The following RPS6KA2 variants were observed in gnomAD, a reference collection of about 807,000 sequenced individuals.
The protein encoded by RPS6KA2 is ribosomal protein S6 kinase A2.
In RPS6KA2, 42 loss-of-function variants were observed where a neutral mutation model predicts 91.8. The ratio of observed to expected loss-of-function variants is 0.46; its 90% CI spans 0.36 to 0.59. The LOEUF is 0.59. Ranked by LOEUF, RPS6KA2 falls within the 20% of genes least tolerant of loss-of-function variation. RPS6KA2 has a pLI of 0.00. For missense variants in RPS6KA2, 798 were observed against 978.5 expected, an observed-to-expected ratio of 0.82 and a Z score of 2.46; for synonymous variants, 414 against 393.6, an observed-to-expected ratio of 1.05 and a Z score of -0.61.
intron 19 of RPS6KA2, among the ~76,000 whole-genome samples, chr6:166,416,631 C>T (rs59181983): frequency 0.1 from 15,086 of 150,812 alleles, 2,524 homozygotes; most frequent in African/African-American, 0.35. Context: ...CCACCATCAG[C>T]TCCATCCCTG....
intron 2 of RPS6KA2, among the ~76,000 whole-genome samples, chr6:166,837,671 G>A (rs997661955): frequency 6.6e-6 from 1 of 152,150 alleles, no homozygotes; most frequent in Non-Finnish European, 1.5e-5. Flanking sequence ...TGTGGGGGTG[G>A]CTGTGTCTTC....
chr6:166,736,887 G>A (rs1790684998), intron 2 of RPS6KA2, among the ~76,000 whole-genome samples: 1 of 151,598 alleles, frequency 6.6e-6, no homozygotes, highest in African/African-American at 2.4e-5. Context: ...TGCCAGTCAT[G>A]ATGGCAAGAG....
intron 2 of RPS6KA2, among the ~76,000 whole-genome samples, chr6:166,703,556 C>T (rs539285514): frequency 1.3e-5 from 2 of 152,304 alleles, no homozygotes; most frequent in South Asian, 4.1e-4. Flanking sequence ...GTGTTACATC[C>T]AAGAGGCTGA....
At chr6:166,416,110 C>A (rs575369773) in intron 19 of RPS6KA2, among the ~76,000 whole-genome samples, 55 of 150,088 alleles carry the variant, frequency 3.7e-4, no homozygotes, top group African/African-American at 1.1e-3. Flanking sequence ...CCACCATCCA[C>A]CCTCACCATC....
chr6:166,748,315 C>T (rs930776334), intron 2 of RPS6KA2, among the ~76,000 whole-genome samples: 1 of 152,096 alleles, frequency 6.6e-6, no homozygotes, highest in Non-Finnish European at 1.5e-5. Flanking sequence ...CCTCCCCAGG[C>T]AGGAGAAACA....
intron 1 of RPS6KA2, among the ~76,000 whole-genome samples, chr6:166,580,599 C>A (rs1784974164): frequency 6.6e-6 from 1 of 152,220 alleles, no homozygotes; most frequent in Admixed American, 6.5e-5. Flanking sequence ...GGATTGTACC[C>A]AGTCCATGCC....
At chr6:166,687,435 G>A (rs1305935983) in intron 2 of RPS6KA2, among the ~76,000 whole-genome samples, 7 of 152,206 alleles carry the variant, frequency 4.6e-5, no homozygotes, top group Non-Finnish European at 8.8e-5. Context: ...CCCTGCCTGT[G>A]AGCGTGGCCT....
intron 8 of RPS6KA2, among the ~76,000 whole-genome samples, chr6:166,492,705 ATTTCTT>A (rs1781635678): frequency 7.1e-6 from 1 of 141,160 alleles, no homozygotes; most frequent in South Asian, 2.4e-4. Flanking sequence ...TTGTTTGGTG[ATTTCTT>A]TTTCTTTTCT....
At chr6:166,754,890 C>A (rs57128297) in intron 2 of RPS6KA2, among the ~76,000 whole-genome samples, 6,312 of 152,224 alleles carry the variant, frequency 0.041, 362 homozygotes, top group East Asian at 0.23. Flanking sequence ...TCAGGCCCTG[C>A]CCTGTCGCTC....
At chr6:166,548,818 G>GA (rs1562572170) in intron 1 of RPS6KA2, among the ~76,000 whole-genome samples, 1 of 152,094 alleles carries the variant, frequency 6.6e-6, no homozygotes, top group Non-Finnish European at 1.5e-5. Flanking sequence ...ATTCATCAAA[G>GA]AAAAAAGTGA....
rs775766598 is a variant in RPS6KA2, at chr6:166,757,854, G to A, written c.123+100346C>T. 131 of 291,788 alleles carry A rather than the reference G, an allele frequency of 4.5e-4. 1 individual carries two copies. The highest frequency in any genetic ancestry group is 5.9e-4 in the Non-Finnish European group (87 of 147,772). 18.1% of individuals were successfully genotyped at this position (291,788 alleles called of 1,614,324 possible). ...TTTGCAAACTCAGAAGCAAAGGAGAGAAGCTGAGAAAACCTCAGCCCCGAG... is the reference window on the plus strand; with the variant it reads ...TTTGCAAACTCAGAAGCAAAGGAGAAAAGCTGAGAAAACCTCAGCCCCGAG... On this transcript the variant is annotated intron_variant, in intron 2 of 21. Transcript: ENST00000503859.
At chr6:166,454,422 T>C (rs1780022881) in intron 12 of RPS6KA2, among the ~76,000 whole-genome samples, 2 of 152,018 alleles carry the variant, frequency 1.3e-5, no homozygotes, top group Non-Finnish European at 2.9e-5. Flanking sequence ...CGCTTGAACC[T>C]GGGAGGTGGA....
intron 2 of RPS6KA2, among the ~76,000 whole-genome samples, chr6:166,654,623 A>G (rs773380284): frequency 6.6e-6 from 1 of 152,248 alleles, no homozygotes; most frequent in Non-Finnish European, 1.5e-5. Flanking sequence ...TCGAATCTCA[A>G]CAGTATTCTT....
chr6:166,660,364 G>GTGCA (rs903577103), intron 2 of RPS6KA2, among the ~76,000 whole-genome samples: 5 of 150,114 alleles, frequency 3.3e-5, no homozygotes, highest in Non-Finnish European at 4.5e-5. Context: ...GCGTGCGTGT[G>GTGCA]TGCATGTGTG....
rs553907551 is a variant in RPS6KA2, at chr6:166,626,898, C to T, written c.99+23G>A. ...GCCCGCTCAGTGCCCGGCACCTGCG[C>T]GCCCCGAGGGCGGCCGCATTACCTC... is the stretch of plus-strand genomic sequence containing the variant. On this transcript the variant is annotated intron_variant, in intron 1 of 20. Transcript: ENST00000265678. This position sits in a 1 kb window ranked among gnomAD's most constrained non-coding sequence, Gnocchi z 4.1. The T allele has an allele frequency of 1.4e-6, 2 of 1,471,256 alleles. No individual in the cohort carries two copies. The highest frequency in any genetic ancestry group is 2.8e-5 in the East Asian group (1 of 35,358). The allele number at this position is 1,471,256 out of a possible 1,614,324, so 91.1% of individuals were successfully genotyped here.
chr6:166,676,767 C>T (rs551949499), intron 2 of RPS6KA2, among the ~76,000 whole-genome samples: 6 of 152,384 alleles, frequency 3.9e-5, no homozygotes, highest in East Asian at 1.9e-4. Context: ...TACATATTCA[C>T]GCTCAACCAG....
chr6:166,692,480 G>A (rs985058426), intron 2 of RPS6KA2, among the ~76,000 whole-genome samples: 1 of 152,152 alleles, frequency 6.6e-6, no homozygotes, highest in Non-Finnish European at 1.5e-5. Flanking sequence ...GAGAGCAGAC[G>A]CTCTGCTGAG....
chr6:166,798,202 T>C (rs13437290), intron 2 of RPS6KA2, among the ~76,000 whole-genome samples: 25,976 of 152,228 alleles, frequency 0.17, 2,381 homozygotes, highest in African/African-American at 0.22. Context: ...GGTCAAGCTC[T>C]TCAGAGCCCA....
At chr6:166,431,355 T>C (rs1779125478) in intron 15 of RPS6KA2, among the ~76,000 whole-genome samples, 1 of 152,234 alleles carries the variant, frequency 6.6e-6, no homozygotes, top group South Asian at 2.1e-4. Context: ...CTTGCTAAAA[T>C]GCATGTTCTG....
Sources: allele counts gnomAD v4.1 joint callset (sites outside exome capture counted in the v4.1 genomes callset), GRCh38; gene constraint gnomAD v4.1.1; non-coding constraint Gnocchi (gnomAD v3.1); transcripts MANE v1.5; gene names NCBI Gene and HGNC (gene_info 2026-07-23, HGNC 2026-07-21).